RXFP1: variants seen among roughly 807,000 people sequenced by gnomAD.
The protein encoded by RXFP1 is relaxin receptor 1.
A neutral mutation model predicts 89.8 loss-of-function variants in RXFP1; 73 were observed. That is an observed-to-expected ratio of 0.81 (90% CI 0.67 to 0.99). The LOEUF is 0.99. RXFP1 is among the 50% of genes least tolerant of loss of function. The probability of loss-of-function intolerance (pLI) is 0.00; values close to 1 mark genes in which losing one functional copy is unlikely to be tolerated. For missense variants in RXFP1, 793 were observed against 895.5 expected (o/e 0.89, Z 1.46); for synonymous variants, 277 against 305.5 (o/e 0.91, Z 0.97).
intron 1 of RXFP1, among the ~76,000 whole-genome samples, chr4:158,529,147 C>G (rs1301004036): frequency 6.6e-6 from 1 of 152,186 alleles, no homozygotes; most frequent in Non-Finnish European, 1.5e-5. Flanking sequence ...TAAACGACCC[C>G]AAGATATTCA....
intron 6 of RXFP1, chr4:158,610,816 G>A: frequency 1.3e-6 from 1 of 755,068 alleles, no homozygotes; most frequent in South Asian, 1.7e-5. Context: ...TTGCAAAGGA[G>A]GGAAGGAAGA....
intron 2 of RXFP1, among the ~76,000 whole-genome samples, chr4:158,590,234 G>C (rs1326887386): frequency 6.6e-6 from 1 of 152,034 alleles, no homozygotes; most frequent in Non-Finnish European, 1.5e-5. Flanking sequence ...GTGCAATCTC[G>C]GCTCACTGCA....
intron 1 of RXFP1, among the ~76,000 whole-genome samples, chr4:158,550,652 G>A (rs1472660473): frequency 1.3e-5 from 2 of 152,164 alleles, no homozygotes; most frequent in African/African-American, 4.8e-5. Context: ...AAGATATTCA[G>A]GAACACTGCC....
chr4:158,531,649 T>TAC (rs939131319), intron 1 of RXFP1, among the ~76,000 whole-genome samples: 2 of 152,056 alleles, frequency 1.3e-5, no homozygotes, highest in East Asian at 1.9e-4. Context: ...AAACTACTAC[T>TAC]ACACACACAC....
chr4:158,551,338 A>G (rs1750063522), intron 1 of RXFP1, among the ~76,000 whole-genome samples: 1 of 152,190 alleles, frequency 6.6e-6, no homozygotes, highest in Non-Finnish European at 1.5e-5. Context: ...TGGCCAAAAA[A>G]TGTGAGGTTT....
intron 1 of RXFP1, among the ~76,000 whole-genome samples, chr4:158,523,407 T>C (rs756232464): frequency 6.6e-6 from 1 of 152,220 alleles, no homozygotes; most frequent in Non-Finnish European, 1.5e-5. Context: ...CTTTGGCCAC[T>C]GTGTTACCAG....
At chr4:158,651,690 G>A in intron 17 of RXFP1, 67 bp from the exon 18 acceptor site, 2 of 1,258,552 alleles carry the variant, frequency 1.6e-6, no homozygotes, top group Non-Finnish European at 2.2e-6. Context: ...AAAGAAACAG[G>A]GAAATTGGGT....
At chr4:158,616,974 G>C (rs942370288) in intron 8 of RXFP1, among the ~76,000 whole-genome samples, 157 bp from the exon 9 acceptor site, 1 of 146,646 alleles carries the variant, frequency 6.8e-6, no homozygotes, top group African/African-American at 2.6e-5. Context: ...ACTCCAGCCT[G>C]AGTGCCTCCA....
At chr4:158,603,294 G>A (rs1247074313) in intron 4 of RXFP1, among the ~76,000 whole-genome samples, 2 of 152,100 alleles carry the variant, frequency 1.3e-5, no homozygotes, top group East Asian at 1.9e-4. Flanking sequence ...ATTTAAACAG[G>A]ATATAAGCAG....
chr4:158,544,879 G>A (rs771090398), intron 1 of RXFP1, among the ~76,000 whole-genome samples: 2 of 152,138 alleles, frequency 1.3e-5, no homozygotes, highest in African/African-American at 4.8e-5. Flanking sequence ...CCAAGTCCTT[G>A]CTATTGTGAA....
At chr4:158,546,181 G>T (rs1287239479) in intron 1 of RXFP1, among the ~76,000 whole-genome samples, 3 of 152,030 alleles carry the variant, frequency 2.0e-5, no homozygotes, top group Admixed American at 6.6e-5. Context: ...TTGTAAGTTG[G>T]ATTCCTAGGT....
At chr4:158,639,441 A>G in intron 14 of RXFP1, 110 bp downstream of exon 14, 1 of 673,402 alleles carries the variant, frequency 1.5e-6, no homozygotes, top group South Asian at 1.8e-5. Flanking sequence ...CCAGCTATAA[A>G]CTGAAAGTTT....
intron 8 of RXFP1, among the ~76,000 whole-genome samples, chr4:158,614,445 G>T (rs768807252): frequency 2.0e-5 from 3 of 152,168 alleles, no homozygotes; most frequent in Non-Finnish European, 4.4e-5. Flanking sequence ...AGATCTTCTG[G>T]ATAACTTGCC....
chr4:158,591,915 G>A (rs1759555363), intron 2 of RXFP1, among the ~76,000 whole-genome samples: 2 of 152,098 alleles, frequency 1.3e-5, no homozygotes, highest in South Asian at 4.1e-4. Flanking sequence ...GTCTAGAGAA[G>A]ATCACATACC....
intron 17 of RXFP1, among the ~76,000 whole-genome samples, chr4:158,651,245 T>A (rs552416629): frequency 9.2e-5 from 14 of 152,336 alleles, no homozygotes; most frequent in African/African-American, 3.1e-4. Flanking sequence ...GCCAAAGTTA[T>A]TTTTTACAGA....
intron 1 of RXFP1, among the ~76,000 whole-genome samples, chr4:158,536,703 A>G (rs1189033082): frequency 6.6e-6 from 1 of 152,172 alleles, no homozygotes; most frequent in African/African-American, 2.4e-5. Flanking sequence ...TTATAAATAC[A>G]GGTCATGGAA....
intron 3 of RXFP1, among the ~76,000 whole-genome samples, chr4:158,595,265 G>A (rs1481052661): frequency 6.6e-6 from 1 of 152,176 alleles, no homozygotes; most frequent in Admixed American, 6.5e-5. Flanking sequence ...GGGCAGCTTT[G>A]AATGGAAAAC....
intron 16 of RXFP1, among the ~76,000 whole-genome samples, chr4:158,648,089 T>C (rs1771923148): frequency 6.6e-6 from 1 of 152,056 alleles, no homozygotes; most frequent in African/African-American, 2.4e-5. Flanking sequence ...GGCAGGAGGA[T>C]TGCTTGAGCC....
chr4:158,638,739 G>A (rs974931374), intron 13 of RXFP1, among the ~76,000 whole-genome samples: 2 of 151,630 alleles, frequency 1.3e-5, no homozygotes, highest in South Asian at 2.1e-4. Context: ...TGCTTGAGTT[G>A]GGAGGTTGAG....
Sources: allele counts gnomAD v4.1 joint callset (sites outside exome capture counted in the v4.1 genomes callset), GRCh38; gene constraint gnomAD v4.1.1; transcripts MANE v1.5; gene names NCBI Gene and HGNC (gene_info 2026-07-23, HGNC 2026-07-21).